Variants in CYP46A1 observed in about 807,000 individuals in gnomAD.
The protein encoded by CYP46A1 is cytochrome P450 family 46 subfamily A member 1, also known as cholesterol 24-hydroxylase.
A neutral mutation model predicts 63.3 loss-of-function variants in CYP46A1; 20 were observed. The ratio of observed to expected loss-of-function variants is 0.32; its 90% CI spans 0.22 to 0.46. CYP46A1 has a LOEUF of 0.46. Ranked by LOEUF, CYP46A1 falls within the 20% of genes least tolerant of loss-of-function variation. The probability of loss-of-function intolerance (pLI) is 1.00; values close to 1 mark genes in which losing one functional copy is unlikely to be tolerated. For missense variants in CYP46A1, 445 were observed against 670.8 expected (o/e 0.66, Z 3.72); for synonymous variants, 268 against 273.6 (o/e 0.98, Z 0.20).
At position 99,727,005 on chromosome 14, in the gene CYP46A1, A is replaced by G. The variant is rs1288817464; in HGVS notation, c.*278A>G. 6 of 389,820 alleles carry G rather than the reference A, an allele frequency of 1.5e-5. No homozygotes were observed. The highest frequency in any genetic ancestry group is 2.7e-5 in the Non-Finnish European group (6 of 220,170). The allele number at this position is 389,820 out of a possible 1,614,324, so 24.1% of individuals were successfully genotyped here. On this transcript the variant is annotated 3_prime_UTR_variant, in exon 15 of 15. Coordinates refer to ENST00000261835, the MANE Select transcript of CYP46A1 (RefSeq NM_006668.2). ...TGCACAGGCCACTTGCTCAGACGAGACACCCTAACTCTTGCTCACTCCCTA... is the reference window on the plus strand; with the variant it reads ...TGCACAGGCCACTTGCTCAGACGAGGCACCCTAACTCTTGCTCACTCCCTA...
intron 4 of CYP46A1, among the ~76,000 whole-genome samples, 159 bp downstream of exon 4, chr14:99,699,698 C>G (rs1293669513): frequency 6.6e-6 from 1 of 152,174 alleles, no homozygotes; most frequent in Non-Finnish European, 1.5e-5. Context: ...CCACTCTTGT[C>G]ACGAGCAGTT....
At position 99,684,530 on chromosome 14, in the gene CYP46A1, G is replaced by A; in HGVS notation, c.113G>A (p.Arg38Gln). Residue 38 changes from arginine to glutamine, a missense_variant, in exon 1 of 15, where the codon CGG (arginine) becomes CAG (glutamine). Coordinates refer to ENST00000261835, the MANE Select transcript of CYP46A1 (RefSeq NM_006668.2). Reference protein sequence around the residue: ...SRYEHIPGPPRPSFLLGHLPC... With the variant: ...SRYEHIPGPPQPSFLLGHLPC... ...TACGAGCACATCCCCGGGCCGCCGC[G>A]GCCCAGGTGAGCGGGGCTGGGGGCG... 6.8e-7 allele frequency: 1 copy of A among 1,467,124 alleles called. No individual in the cohort carries two copies. The highest frequency in any genetic ancestry group is 9.0e-7 in the Non-Finnish European group (1 of 1,113,532). The allele number at this position is 1,467,124 out of a possible 1,614,324, so 90.9% of individuals were successfully genotyped here.
intron 3 of CYP46A1, among the ~76,000 whole-genome samples, chr14:99,698,476 A>G (rs2056604190): frequency 6.6e-6 from 1 of 152,162 alleles, no homozygotes. Context: ...GGTGGCTCAC[A>G]CCTGTAATCT....
chr14:99,687,565 C>T (rs943884), intron 1 of CYP46A1, among the ~76,000 whole-genome samples: 125,852 of 152,130 alleles, frequency 0.83, 52,800 homozygotes, highest in East Asian at 0.97. Flanking sequence ...ACCCTCACGC[C>T]TACCCCTAGT....
At chr14:99,726,362 G>A (rs976337428) in intron 14 of CYP46A1, 106 bp downstream of exon 14, 2 of 1,333,314 alleles carry the variant, frequency 1.5e-6, no homozygotes, top group Non-Finnish European at 2.1e-6. Context: ...CTGCTGGGCT[G>A]TGGGCTCGGG....
intron 5 of CYP46A1, 25 bp downstream of exon 5, chr14:99,700,126 G>A (rs758765792): frequency 6.4e-7 from 1 of 1,568,262 alleles, no homozygotes. Context: ...AGGCTCCGTG[G>A]CTCCTGCCTG....
chr14:99,684,784 A>G (rs770837493), intron 1 of CYP46A1: 42 of 598,670 alleles, frequency 7.0e-5, no homozygotes, highest in Admixed American at 5.6e-4. Context: ...CCTTTCAGGT[A>G]GGCGCTATTG....
chr14:99,724,625 G>A (rs1047119156), intron 12 of CYP46A1, among the ~76,000 whole-genome samples: 1 of 152,158 alleles, frequency 6.6e-6, no homozygotes, highest in Non-Finnish European at 1.5e-5. Flanking sequence ...TGTTAGGTGG[G>A]GGGAGTGGTG....
intron 9 of CYP46A1, chr14:99,717,802 C>T (rs889314307): frequency 8.8e-6 from 4 of 452,674 alleles, no homozygotes; most frequent in Non-Finnish European, 1.2e-5. Context: ...GTGTCCCCCC[C>T]ACTCTCCCTG....
rs772474629 is a variant in CYP46A1, at chr14:99,691,760, C to T, written c.201-20C>T. The stretch of plus-strand genomic sequence containing the variant: ...ACCTCAGGTGGTTGACAGTTTCCTT[C>T]GGGTCACTTTGGTTTCCAGGGCTAA... On this transcript the variant is annotated intron_variant, in intron 2 of 14. Coordinates refer to ENST00000261835, the MANE Select transcript of CYP46A1 (RefSeq NM_006668.2). 26 of 1,613,324 alleles carry T rather than the reference C, an allele frequency of 1.6e-5. No individual in the cohort carries two copies. The highest frequency in any genetic ancestry group is 1.5e-4 in the South Asian group (14 of 91,046).
At chr14:99,720,145 T>C (rs564534571) in intron 10 of CYP46A1, among the ~76,000 whole-genome samples, 1 of 152,336 alleles carries the variant, frequency 6.6e-6, no homozygotes, top group East Asian at 1.9e-4. Context: ...TGTCCATGGG[T>C]ACCTGGGTTG....
chr14:99,703,113 T>C lies in CYP46A1; in HGVS notation c.443+3012T>C, dbSNP rs143806645. Among the ~76,000 whole-genome samples the C allele has an allele frequency of 7.1e-3, 1,087 of 152,304 alleles. 4 individuals are homozygous for C. The highest frequency in any genetic ancestry group is 9.8e-3 in the Non-Finnish European group (664 of 68,018). On this transcript the variant is annotated intron_variant, in intron 5 of 14. Coordinates refer to ENST00000261835, the MANE Select transcript of CYP46A1 (RefSeq NM_006668.2). ...TTAGACTCAGGCTATCCCTCTTTGG[T>C]GGTAATGCTACAGAGTGATGCTGTG...
chr14:99,716,006 G>T, intron 8 of CYP46A1, 46 bp downstream of exon 8: 1 of 1,599,536 alleles, frequency 6.3e-7, no homozygotes, highest in Non-Finnish European at 8.5e-7. Flanking sequence ...GGTGGGCCAG[G>T]ACGTTCCCCA....
At chr14:99,702,016 G>A (rs867486106) in intron 5 of CYP46A1, among the ~76,000 whole-genome samples, 1 of 145,672 alleles carries the variant, frequency 6.9e-6, no homozygotes, top group Non-Finnish European at 1.5e-5. Flanking sequence ...GTTGAAGTGA[G>A]CTGAGATCAC....
chr14:99,700,159 G>A (rs1467608897), intron 5 of CYP46A1, 58 bp downstream of exon 5: 42 of 1,406,134 alleles, frequency 3.0e-5, no homozygotes, highest in East Asian at 9.5e-5. Context: ...AGGGGCTGCC[G>A]AAGTGTAGGT....
intron 10 of CYP46A1, among the ~76,000 whole-genome samples, chr14:99,718,349 T>C (rs552662708): frequency 1.3e-5 from 2 of 152,272 alleles, no homozygotes; most frequent in Admixed American, 1.3e-4. Flanking sequence ...CTCAGATCCC[T>C]AAAGGAGCCA....
intron 3 of CYP46A1, among the ~76,000 whole-genome samples, chr14:99,695,972 T>G (rs2056584194): frequency 6.6e-6 from 1 of 151,068 alleles, no homozygotes; most frequent in Non-Finnish European, 1.5e-5. Context: ...ATGTTATATC[T>G]TTTTTCTGTT....
rs1377366719 is a variant in CYP46A1, at chr14:99,684,533, C to A, written c.116C>A (p.Pro39His). The change falls in exon 1 of 15, where the codon CCC (proline) becomes CAC (histidine). Residue 39 changes from proline to histidine, a missense_variant. By Grantham distance (77) the Pro-to-His change is moderately conservative. Transcript: ENST00000261835. ...RYEHIPGPPR[P>H]SFLLGHLPCF... ...GAGCACATCCCCGGGCCGCCGCGGC[C>A]CAGGTGAGCGGGGCTGGGGGCGGGG... 1 of 1,466,616 alleles carries A rather than the reference C, an allele frequency of 6.8e-7. No individual in the cohort carries two copies. Among genetic ancestry groups the A allele is most frequent in the East Asian group, 2.9e-5 (1 of 34,594 alleles). The allele number at this position is 1,466,616 out of a possible 1,614,324, so 90.9% of individuals were successfully genotyped here.
intron 10 of CYP46A1, 120 bp downstream of exon 10, chr14:99,718,246 T>C: frequency 1.3e-6 from 1 of 782,866 alleles, no homozygotes; most frequent in Admixed American, 2.3e-5. Flanking sequence ...CCCTGGGCCT[T>C]GGCACATGCT....
Sources: allele counts gnomAD v4.1 joint callset (sites outside exome capture counted in the v4.1 genomes callset), GRCh38; gene constraint gnomAD v4.1.1; transcripts MANE v1.5; gene names NCBI Gene and HGNC (gene_info 2026-07-23, HGNC 2026-07-21).